The following ADAM19 variants were observed in gnomAD, a reference collection of about 807,000 sequenced individuals.
ADAM19 encodes the protein disintegrin and metalloproteinase domain-containing protein 19.
ADAM19 carries 65 observed loss-of-function variants against 114.7 expected under a neutral mutation model. The observed-to-expected ratio is 0.57, with a 90% CI of 0.46 to 0.70. ADAM19 has a LOEUF of 0.70. Ranked by LOEUF, ADAM19 falls within the 30% of genes least tolerant of loss-of-function variation. ADAM19 has a pLI of 0.00. For missense variants in ADAM19, 1,063 were observed against 1,204.7 expected (o/e 0.88, Z 1.74); for synonymous variants, 466 against 460.5 (o/e 1.01, Z -0.15).
intron 4 of ADAM19, among the ~76,000 whole-genome samples, chr5:157,536,624 T>TCACA (rs140225679): frequency 0.047 from 7,094 of 149,832 alleles, 196 homozygotes; most frequent in South Asian, 0.1. Context: ...TGAAACTCTG[T>TCACA]CACACACACA....
In ADAM19 at chr5:157,480,593, A is replaced by G; in HGVS notation, c.*356T>C. On this transcript the variant is annotated 3_prime_UTR_variant, in exon 23 of 23. Transcript: ENST00000257527. Reference sequence around the variant, plus strand: ...CCAGGAGTGAATGGATGGCTTCTGCAAGCGAAGTGCTGGCCTGAGGGGCTT... The same window carrying G: ...CCAGGAGTGAATGGATGGCTTCTGCGAGCGAAGTGCTGGCCTGAGGGGCTT... The G allele has an allele frequency of 1.8e-6, 2 of 1,095,908 alleles. No homozygotes were observed. The highest frequency in any genetic ancestry group is 3.3e-5 in the African/African-American group (2 of 60,836). The allele number at this position is 1,095,908 out of a possible 1,614,324, so 67.9% of individuals were successfully genotyped here. A position where few individuals can be genotyped will look rare whatever the true frequency, so the allele number is the denominator to read the frequency against.
intron 2 of ADAM19, among the ~76,000 whole-genome samples, chr5:157,569,815 C>T (rs142772462): frequency 1.4e-4 from 21 of 152,298 alleles, no homozygotes; most frequent in African/African-American, 5.1e-4. Flanking sequence ...AACCCCTCTC[C>T]CCAGCTTTCT....
At chr5:157,563,839 G>T (rs548955470) in intron 3 of ADAM19, among the ~76,000 whole-genome samples, 26 of 152,274 alleles carry the variant, frequency 1.7e-4, no homozygotes, top group Admixed American at 4.6e-4. Flanking sequence ...GATGAATGAG[G>T]TTAAGAAGAT....
chr5:157,572,715 T>C (rs1347859798), intron 1 of ADAM19, among the ~76,000 whole-genome samples: 1 of 152,224 alleles, frequency 6.6e-6, no homozygotes, highest in Non-Finnish European at 1.5e-5. Context: ...CCAAGTACTA[T>C]GCTATGAATA....
chr5:157,494,805 C>G lies in ADAM19; in HGVS notation c.1595-10G>C, dbSNP rs1341457725. ...GGGGCAGGTCGGGCTCCTGGGTGGG[C>G]AAGCAACATCTATCAGTATACTCAT... On this transcript the variant is annotated splice_polypyrimidine_tract_variant and intron_variant, in intron 14 of 22. Coordinates refer to ENST00000257527, the MANE Select transcript of ADAM19 (RefSeq NM_033274.5). The G allele has an allele frequency of 6.2e-7, 1 of 1,610,246 alleles. No individual in the cohort carries two copies. The highest frequency in any genetic ancestry group is 8.5e-7 in the Non-Finnish European group (1 of 1,176,946).
intron 3 of ADAM19, among the ~76,000 whole-genome samples, chr5:157,552,022 G>A (rs1313168515): frequency 2.0e-5 from 3 of 152,102 alleles, no homozygotes; most frequent in South Asian, 4.1e-4. Context: ...GTGGTGGCGT[G>A]CACCTGTAGT....
chr5:157,519,907 G>A lies in ADAM19; in HGVS notation c.532C>T (p.His178Tyr), dbSNP rs376577956. The change falls in exon 6 of 23, where the codon CAC (histidine) becomes TAC (tyrosine). Residue 178 changes from histidine to tyrosine, a missense_variant. Transcript: ENST00000257527. Reference protein sequence around the residue: ...KPPPGNCGFEHSKPTTRDWAL... With the variant: ...KPPPGNCGFEYSKPTTRDWAL... ...CAGTCCCTGGTGGTGGGCTTGGAGT[G>A]CTCGAACCCACAGTTTCCCGGGGGC... 6.8e-5 allele frequency: 109 copies of A among 1,613,976 alleles called. No individual in the cohort carries two copies. The highest frequency in any genetic ancestry group is 7.3e-5 in the Non-Finnish European group (86 of 1,180,030).
chr5:157,570,568 T>G, intron 2 of ADAM19: 1 of 237,354 alleles, frequency 4.2e-6, no homozygotes, highest in Non-Finnish European at 8.4e-6. Context: ...GTATGTATTA[T>G]GCAGAGCAAA....
chr5:157,536,454 C>T (rs1756768073), intron 4 of ADAM19, among the ~76,000 whole-genome samples: 1 of 152,146 alleles, frequency 6.6e-6, no homozygotes, highest in African/African-American at 2.4e-5. Context: ...ATGGTGAAAC[C>T]CTGTCTCTAC....
Position 157,536,675 on chromosome 5 carries a change from C to T in ADAM19, c.330+1238G>A, listed in dbSNP as rs573946518. Among the ~76,000 whole-genome samples the T allele has an allele frequency of 2.0e-5, 3 of 152,258 alleles. No individual in the cohort carries two copies. In the South Asian group the frequency reaches 6.2e-4, roughly 32 times the overall value. On this transcript the variant is annotated intron_variant, in intron 4 of 22. Coordinates refer to ENST00000257527, the MANE Select transcript of ADAM19 (RefSeq NM_033274.5). ...ACCTGTCCTGTGTCCCTTTCCCCAT[C>T]CAGGGGTAATCTGGCGAACTAATCT...
intron 13 of ADAM19, among the ~76,000 whole-genome samples, chr5:157,497,588 C>CAA (rs1755405743): frequency 6.7e-6 from 1 of 148,712 alleles, no homozygotes; most frequent in African/African-American, 2.6e-5. Context: ...CACACACACA[C>CAA]ACACACACAC....
At chr5:157,555,086 T>C (rs1044662806) in intron 3 of ADAM19, among the ~76,000 whole-genome samples, 1 of 152,210 alleles carries the variant, frequency 6.6e-6, no homozygotes, top group Non-Finnish European at 1.5e-5. Flanking sequence ...GGCAATATAC[T>C]GCCCCAGTTA....
At chr5:157,571,378 A>C (rs1004514766) in intron 1 of ADAM19, among the ~76,000 whole-genome samples, 5 of 152,162 alleles carry the variant, frequency 3.3e-5, no homozygotes, top group Non-Finnish European at 7.4e-5. Flanking sequence ...AGAGTGCCCC[A>C]GGTAGAGGAA....
At chr5:157,547,427 G>A (rs1430489111) in intron 3 of ADAM19, among the ~76,000 whole-genome samples, 2 of 152,170 alleles carry the variant, frequency 1.3e-5, no homozygotes, top group African/African-American at 4.8e-5. Flanking sequence ...CATAATGAGT[G>A]GATTAATGCT....
intron 3 of ADAM19, among the ~76,000 whole-genome samples, chr5:157,546,770 G>C (rs924670430): frequency 6.6e-5 from 10 of 152,236 alleles, no homozygotes; most frequent in African/African-American, 2.2e-4. Flanking sequence ...AGGAGGAAAG[G>C]GGGGAAGTGA....
intron 3 of ADAM19, 45 bp from the exon 4 acceptor site, chr5:157,538,036 T>C: frequency 6.8e-7 from 1 of 1,470,262 alleles, no homozygotes. Context: ...GTGGATGAAC[T>C]CCACCCTCCT....
At chr5:157,483,439 T>C (rs560700010) in intron 21 of ADAM19, among the ~76,000 whole-genome samples, 12 of 152,152 alleles carry the variant, frequency 7.9e-5, no homozygotes, top group Non-Finnish European at 1.6e-4. Flanking sequence ...AGTAGGTTGA[T>C]AGGGGCTGGC....
intron 12 of ADAM19, among the ~76,000 whole-genome samples, chr5:157,501,353 T>C (rs138700580): frequency 1.3e-5 from 2 of 152,332 alleles, no homozygotes; most frequent in African/African-American, 4.8e-5. Flanking sequence ...ATTATATATG[T>C]TCAGAGCACT....
At chr5:157,481,271 A>G (rs1445046031) in intron 22 of ADAM19, 1 of 578,542 alleles carries the variant, frequency 1.7e-6, no homozygotes, top group South Asian at 2.1e-5. Context: ...AGTTTTCTCA[A>G]TGCCTCGTGG....
Sources: allele counts gnomAD v4.1 joint callset (sites outside exome capture counted in the v4.1 genomes callset), GRCh38; gene constraint gnomAD v4.1.1; transcripts MANE v1.5; gene names NCBI Gene and HGNC (gene_info 2026-07-23, HGNC 2026-07-21).